LRRC58: variants seen among roughly 807,000 people sequenced by gnomAD.
LRRC58 encodes the protein leucine-rich repeat-containing protein 58.
A neutral mutation model predicts 30.6 loss-of-function variants in LRRC58; 18 were observed. That is an observed-to-expected ratio of 0.59 (90% CI 0.41 to 0.87). LRRC58 has a LOEUF of 0.87. LRRC58 is among the 40% of genes least tolerant of loss of function. The pLI is 0.00. For missense variants in LRRC58, 420 were observed against 468.4 expected (o/e 0.90, Z 0.95); for synonymous variants, 221 against 206.0 (o/e 1.07, Z -0.62).
intron 1 of LRRC58, among the ~76,000 whole-genome samples, chr3:120,348,177 C>T (rs1935998992): frequency 6.6e-6 from 1 of 152,296 alleles, no homozygotes; most frequent in South Asian, 2.1e-4. Context: ...GGAAACAGCA[C>T]GTGTACAGAG....
chr3:120,341,524 C>T (rs1935903921), intron 1 of LRRC58, among the ~76,000 whole-genome samples: 1 of 152,132 alleles, frequency 6.6e-6, no homozygotes, highest in African/African-American at 2.4e-5. Context: ...TGTGCCCTCC[C>T]AAAATTCATG....
intron 1 of LRRC58, among the ~76,000 whole-genome samples, chr3:120,339,009 T>A (rs558583693): frequency 1.3e-5 from 2 of 152,334 alleles, no homozygotes; most frequent in South Asian, 4.1e-4. Flanking sequence ...CCTTTACTTA[T>A]AACTTATTGG....
chr3:120,339,045 T>TATA, intron 1 of LRRC58, among the ~76,000 whole-genome samples: 1 of 152,334 alleles, frequency 6.6e-6, no homozygotes, highest in Admixed American at 6.5e-5. Context: ...AGTGTAAATT[T>TATA]TTATAAATGA....
At chr3:120,339,254 A>G (rs1339534181) in intron 1 of LRRC58, among the ~76,000 whole-genome samples, 1 of 151,718 alleles carries the variant, frequency 6.6e-6, no homozygotes, top group African/African-American at 2.4e-5. Flanking sequence ...TTTTCGTTGT[A>G]CTCTCTCAGT....
chr3:120,348,875 C>T lies in LRRC58; in HGVS notation c.369G>A (p.Gln123=). ...LAQSPLCRSL[Q]VLNLSGNCFQ... ...AACAGTTGCCGCTGAGGTTGAGCAC[C>T]TGGAGGCTGCGGCAGAGCGGCGACT... Residue 123 remains glutamine, a synonymous_variant, in exon 1 of 4, where the codon CAG becomes CAA. Transcript: ENST00000295628. 6.3e-7 allele frequency: 1 copy of T among 1,595,480 alleles called. No individual in the cohort carries two copies. Among genetic ancestry groups the T allele is most frequent in the South Asian group, 1.1e-5 (1 of 88,002 alleles).
chr3:120,340,569 T>C (rs1397859839), intron 1 of LRRC58, among the ~76,000 whole-genome samples: 1 of 152,178 alleles, frequency 6.6e-6, no homozygotes, highest in East Asian at 1.9e-4. Flanking sequence ...GAATCTAACA[T>C]TTTGTCTTTT....
At chr3:120,339,589 T>G (rs930048011) in intron 1 of LRRC58, among the ~76,000 whole-genome samples, 6 of 152,226 alleles carry the variant, frequency 3.9e-5, no homozygotes, top group Non-Finnish European at 8.8e-5. Context: ...GGCAGTTACT[T>G]TTCCTTGGCA....
Position 120,348,917 on chromosome 3 carries a change from C to T in LRRC58, c.327G>A (p.Leu109=), listed in dbSNP as rs1319044911. Residue 109 remains leucine, a synonymous_variant, in exon 1 of 4, where the codon CTG becomes CTA. Coordinates refer to ENST00000295628, the MANE Select transcript of LRRC58 (RefSeq NM_001099678.2). The part of the protein sequence containing the change: ...KNNRLGGPSA[L]PKGLAQSPLC... ...GCGGCGACTGGGCCAGGCCCTTGGG[C>T]AGCGCACTGGGCCCGCCGAGCCGGT... 6.4e-7 allele frequency: 1 copy of T among 1,556,988 alleles called. No homozygotes were observed. Among genetic ancestry groups the T allele is most frequent in the Non-Finnish European group, 8.7e-7 (1 of 1,152,676 alleles).
chr3:120,336,306 G>C (rs902626871), intron 1 of LRRC58, among the ~76,000 whole-genome samples: 4 of 152,342 alleles, frequency 2.6e-5, no homozygotes, highest in Admixed American at 6.5e-5. Flanking sequence ...AATGGAACAG[G>C]CTTCCCCAAA....
intron 3 of LRRC58, among the ~76,000 whole-genome samples, chr3:120,334,301 A>G (rs1053573418): frequency 2.0e-5 from 3 of 152,038 alleles, no homozygotes; most frequent in Non-Finnish European, 4.4e-5. Context: ...TCAGGAGATC[A>G]AGACCATCCT....
intron 1 of LRRC58, among the ~76,000 whole-genome samples, chr3:120,341,620 A>T (rs987381203): frequency 1.3e-5 from 2 of 152,138 alleles, no homozygotes; most frequent in Non-Finnish European, 2.9e-5. Flanking sequence ...AAGAGGGTGG[A>T]GCCCTCGTTA....
At chr3:120,346,889 C>T (rs1346062149) in intron 1 of LRRC58, among the ~76,000 whole-genome samples, 1 of 152,238 alleles carries the variant, frequency 6.6e-6, no homozygotes, top group Non-Finnish European at 1.5e-5. Context: ...AAAACTCTCT[C>T]ATGTGCACTT....
chr3:120,343,879 T>C lies in LRRC58; in HGVS notation c.500+4865A>G, dbSNP rs558782894. ...ACCCCGTCTCTACTGAAAATAAAAT[T>C]TAAAAAAAAATTAGCCTGGTGTGGT... On this transcript the variant is annotated intron_variant, in intron 1 of 3. Transcript: ENST00000295628. Among the ~76,000 whole-genome samples, 40 of 151,454 alleles carry C rather than the reference T, an allele frequency of 2.6e-4. 1 individual carries two copies. The highest frequency in any genetic ancestry group is 2.5e-3 in the Admixed American group (38 of 15,244).
chr3:120,331,279 G>A lies in LRRC58; in HGVS notation c.1037C>T (p.Ser346Phe). Reference sequence around the variant, plus strand: ...TGAGTCAGATTCACTCTGGGAAGTGGAGCTGTGAGAGGCAGAACTGCAAGG... The same window carrying A: ...TGAGTCAGATTCACTCTGGGAAGTGAAGCTGTGAGAGGCAGAACTGCAAGG... ...SSPCSSASHS[S>F]TSQSESDSED... Residue 346 changes from serine to phenylalanine, a missense_variant, in exon 4 of 4, where the codon TCC (serine) becomes TTC (phenylalanine). Physicochemically the swap from Ser to Phe is radical, Grantham distance 155. Around this residue, in one of 2 missense-constraint regions of LRRC58, gnomAD observed 154 missense variants for 216.8 expected, o/e 0.71. Coordinates refer to ENST00000295628, the MANE Select transcript of LRRC58 (RefSeq NM_001099678.2). 6.2e-7 allele frequency: 1 copy of A among 1,613,958 alleles called. No individual in the cohort carries two copies. Among genetic ancestry groups the A allele is most frequent in the Non-Finnish European group, 8.5e-7 (1 of 1,179,862 alleles).
At chr3:120,338,257 C>T (rs1935860467) in intron 1 of LRRC58, among the ~76,000 whole-genome samples, 1 of 152,194 alleles carries the variant, frequency 6.6e-6, no homozygotes, top group South Asian at 2.1e-4. Flanking sequence ...AGCTCTACAA[C>T]TTACCAGTAT....
Position 120,331,426 on chromosome 3 carries a change from T to G in LRRC58, c.908-18A>C. The stretch of plus-strand genomic sequence containing the variant: ...GTAGACTCCTAAAGAGAAGAAGGAA[T>G]AGAAAGTAATCATTACAAAGCAAGG... On this transcript the variant is annotated intron_variant, in intron 3 of 3. Transcript: ENST00000295628. 2 of 1,570,460 alleles carry G rather than the reference T, an allele frequency of 1.3e-6. No homozygotes were observed. The highest frequency in any genetic ancestry group is 1.8e-6 in the Non-Finnish European group (2 of 1,140,780).
At position 120,328,831 on chromosome 3, in the gene LRRC58, C is replaced by T. The variant is rs765861417; in HGVS notation, c.*2369G>A. The T allele has an allele frequency of 6.6e-6, 1 of 152,138 alleles. No homozygotes were observed. The highest frequency in any genetic ancestry group is 1.5e-5 in the Non-Finnish European group (1 of 68,008). The allele number at this position is 152,138 out of a possible 1,614,324, so 9.4% of individuals were successfully genotyped here. A position where few individuals can be genotyped will look rare whatever the true frequency, so the allele number is the denominator to read the frequency against. ...GATAAAACCGACGGCTAAATGTAGA[C>T]TTCATTAAAAATTACCAAAAGACAG... On this transcript the variant is annotated 3_prime_UTR_variant, in exon 4 of 4. Coordinates refer to ENST00000295628, the MANE Select transcript of LRRC58 (RefSeq NM_001099678.2).
In LRRC58 at chr3:120,327,390, T is replaced by C. The variant is rs1187941175; in HGVS notation, c.*3810A>G. 1 of 150,856 alleles carries C rather than the reference T, an allele frequency of 6.6e-6. No homozygotes were observed. The highest frequency in any genetic ancestry group is 1.5e-5 in the Non-Finnish European group (1 of 67,756). The allele number at this position is 150,856 out of a possible 1,614,324, so 9.3% of individuals were successfully genotyped here. A position where few individuals can be genotyped will look rare whatever the true frequency, so the allele number is the denominator to read the frequency against. ...CCTCAGCCTCCCGAGTAGCTGGGACTACAGGCGCCCGCCATCACGCCCGGC... is the reference window on the plus strand; with the variant it reads ...CCTCAGCCTCCCGAGTAGCTGGGACCACAGGCGCCCGCCATCACGCCCGGC... On this transcript the variant is annotated 3_prime_UTR_variant, in exon 4 of 4. Coordinates refer to ENST00000295628, the MANE Select transcript of LRRC58 (RefSeq NM_001099678.2).
chr3:120,339,021 GTATTTT>G (rs1401754728), intron 1 of LRRC58, among the ~76,000 whole-genome samples: 1 of 152,120 alleles, frequency 6.6e-6, no homozygotes, highest in Non-Finnish European at 1.5e-5. Context: ...ACTTATTGGT[GTATTTT>G]TATTTTAAGT....
Sources: gnomAD v4.1 joint callset for allele counts (sites outside exome capture counted in the v4.1 genomes callset) on GRCh38, gnomAD v4.1.1 for gene constraint, gnomAD v4.1.1 regional missense constraint, MANE v1.5 for transcripts, NCBI Gene and HGNC (gene_info 2026-07-23, HGNC 2026-07-21) for gene names.